FGGY: variants seen among roughly 807,000 people sequenced by gnomAD.
FGGY encodes FGGY carbohydrate kinase domain-containing protein.
FGGY carries 72 observed loss-of-function variants against 71.3 expected under a neutral mutation model. The observed-to-expected ratio is 1.01, with a 90% CI of 0.84 to 1.23. The LOEUF (loss-of-function observed/expected upper bound fraction) is 1.23. FGGY is among the 50% of genes most tolerant of loss of function. The probability of loss-of-function intolerance (pLI) is 0.00; values close to 1 mark genes in which losing one functional copy is unlikely to be tolerated. For synonymous variants in FGGY, 251 were observed against 250.3 expected (o/e 1.00, Z -0.02); for missense variants, 668 against 682.3 (o/e 0.98, Z 0.23).
chr1:59,629,752 T>C (rs2096891085), intron 10 of FGGY, among the ~76,000 whole-genome samples: 1 of 152,194 alleles, frequency 6.6e-6, no homozygotes, highest in African/African-American at 2.4e-5. Context: ...TGAATCCAAA[T>C]CTCAGCTCCA....
chr1:59,746,847 A>G (rs970925332), intron 14 of FGGY, among the ~76,000 whole-genome samples: 4 of 152,284 alleles, frequency 2.6e-5, no homozygotes, highest in African/African-American at 9.6e-5. Flanking sequence ...TCATGGCAGA[A>G]CTAGGGTTTG....
intron 7 of FGGY, among the ~76,000 whole-genome samples, chr1:59,512,999 C>G (rs2094554551): frequency 6.6e-6 from 1 of 152,134 alleles, no homozygotes; most frequent in African/African-American, 2.4e-5. Context: ...CCAAATAAAA[C>G]CAAAGTCTCT....
chr1:59,456,437 G>C (rs994897655), intron 5 of FGGY, among the ~76,000 whole-genome samples: 3 of 151,374 alleles, frequency 2.0e-5, no homozygotes, highest in Admixed American at 2.0e-4. Context: ...TCCAAATAAA[G>C]GACTGAAACT....
chr1:59,436,357 T>G (rs1422530232), intron 5 of FGGY, among the ~76,000 whole-genome samples: 3 of 152,094 alleles, frequency 2.0e-5, no homozygotes, highest in South Asian at 2.1e-4. Context: ...CCCCGCAAAC[T>G]TCTTCCAAGC....
intron 6 of FGGY, among the ~76,000 whole-genome samples, chr1:59,492,526 AAAGCCTGGC>A (rs1346606163): frequency 6.6e-6 from 1 of 152,190 alleles, no homozygotes; most frequent in Admixed American, 6.6e-5. Context: ...TTGCAGAAAT[AAAGCCTGGC>A]TGCTGGAGTT....
At chr1:59,746,567 A>G (rs1312595033) in intron 14 of FGGY, among the ~76,000 whole-genome samples, 2 of 152,136 alleles carry the variant, frequency 1.3e-5, no homozygotes, top group Admixed American at 1.3e-4. Context: ...GGTTCACTTC[A>G]GCCTCAACCT....
At chr1:59,334,209 C>G (rs1247354233) in intron 2 of FGGY, among the ~76,000 whole-genome samples, 1 of 152,134 alleles carries the variant, frequency 6.6e-6, no homozygotes, top group Non-Finnish European at 1.5e-5. Context: ...GTTGCATGGT[C>G]TTGGGTCACT....
chr1:59,376,779 T>G (rs1332812579), intron 4 of FGGY, among the ~76,000 whole-genome samples: 1 of 152,184 alleles, frequency 6.6e-6, no homozygotes, highest in Admixed American at 6.5e-5. Context: ...ATAATTCCTT[T>G]TATAGCTTTT....
intron 9 of FGGY, among the ~76,000 whole-genome samples, chr1:59,609,430 G>C (rs558613462): frequency 1.3e-5 from 2 of 152,314 alleles, no homozygotes; most frequent in East Asian, 3.9e-4. Flanking sequence ...GCCAGAGGCA[G>C]GGAGACTAGT....
At chr1:59,745,923 G>T (rs900616959) in intron 14 of FGGY, among the ~76,000 whole-genome samples, 1 of 152,224 alleles carries the variant, frequency 6.6e-6, no homozygotes, top group Non-Finnish European at 1.5e-5. Context: ...GAAAGTGGCT[G>T]TTGGTATATT....
intron 7 of FGGY, among the ~76,000 whole-genome samples, chr1:59,552,347 A>G (rs746600192): frequency 4.6e-5 from 7 of 152,180 alleles, no homozygotes; most frequent in Non-Finnish European, 1.0e-4. Flanking sequence ...TCAGACTTCT[A>G]TTGCCTGGTT....
rs185529374 is a variant in FGGY, at chr1:59,761,148, T to C, written c.1575-1355T>C. Among the ~76,000 whole-genome samples the C allele has an allele frequency of 2.7e-4, 41 of 152,260 alleles. No individual in the cohort carries two copies. In the East Asian group the frequency reaches 7.7e-3, roughly 29 times the overall value. On this transcript the variant is annotated intron_variant, in intron 15 of 15. Coordinates refer to ENST00000303721, the MANE Select transcript of FGGY (RefSeq NM_018291.5). ...AAGTAGATCCCATAATTATCCCCAT[T>C]TACAGATGGAGAAATTTAGGCAGAA...
At chr1:59,569,650 C>A (rs952412670) in intron 8 of FGGY, among the ~76,000 whole-genome samples, 1 of 152,124 alleles carries the variant, frequency 6.6e-6, no homozygotes, top group Non-Finnish European at 1.5e-5. Flanking sequence ...TTAATAGAAA[C>A]CTCACAGGTT....
At chr1:59,617,077 G>C (rs547812907) in intron 9 of FGGY, among the ~76,000 whole-genome samples, 36 of 152,188 alleles carry the variant, frequency 2.4e-4, no homozygotes, top group Non-Finnish European at 4.4e-4. Context: ...AGAAAAAGTT[G>C]CATCTTTTTT....
intron 14 of FGGY, among the ~76,000 whole-genome samples, chr1:59,686,726 A>G (rs773218973): frequency 2.6e-5 from 4 of 152,182 alleles, no homozygotes; most frequent in Non-Finnish European, 4.4e-5. Flanking sequence ...TATTAGCCGT[A>G]TGATTCATAT....
intron 13 of FGGY, 72 bp downstream of exon 13, chr1:59,667,475 G>T: frequency 6.4e-7 from 1 of 1,567,586 alleles, no homozygotes; most frequent in Non-Finnish European, 8.7e-7. Flanking sequence ...AGTTCTGGGT[G>T]AAGTGAGAAT....
chr1:59,534,979 C>T (rs1221208364), intron 7 of FGGY, among the ~76,000 whole-genome samples: 1 of 151,274 alleles, frequency 6.6e-6, no homozygotes, highest in African/African-American at 2.4e-5. Flanking sequence ...TCACACATAA[C>T]AATATTAACT....
intron 1 of FGGY, among the ~76,000 whole-genome samples, chr1:59,297,627 C>A (rs1220000609): frequency 2.6e-5 from 4 of 151,904 alleles, no homozygotes; most frequent in African/African-American, 7.3e-5. Flanking sequence ...TCGAGACCAT[C>A]CAGGCTAACA....
At chr1:59,299,706 CG>C (rs2042462407) in intron 1 of FGGY, among the ~76,000 whole-genome samples, 1 of 86,376 alleles carries the variant, frequency 1.2e-5, no homozygotes, top group African/African-American at 4.4e-5. Context: ...GGTGGGGGGG[CG>C]GGTCTTATGC....
Sources: allele counts gnomAD v4.1 joint callset (sites outside exome capture counted in the v4.1 genomes callset), GRCh38; gene constraint gnomAD v4.1.1; transcripts MANE v1.5; gene names NCBI Gene and HGNC (gene_info 2026-07-23, HGNC 2026-07-21).